CTNNA3: variants seen among roughly 807,000 people sequenced by gnomAD.
CTNNA3 encodes the protein catenin alpha 3.
CTNNA3 carries 76 observed loss-of-function variants against 95.7 expected under a neutral mutation model. The ratio of observed to expected loss-of-function variants is 0.79; its 90% CI spans 0.66 to 0.96. The LOEUF is 0.96. Among genes scored for constraint, CTNNA3 ranks in the 40% least tolerant of loss-of-function variants. The probability of loss-of-function intolerance (pLI) is 0.00; values close to 1 mark genes in which losing one functional copy is unlikely to be tolerated. For synonymous variants in CTNNA3, 431 were observed against 374.4 expected (o/e 1.15, Z -1.74); for missense variants, 1,191 against 1,089.8 (o/e 1.09, Z -1.31).
intron 11 of CTNNA3, among the ~76,000 whole-genome samples, chr10:66,425,654 G>A (rs2093233284): frequency 6.6e-6 from 1 of 151,390 alleles, no homozygotes; most frequent in Admixed American, 6.6e-5. Context: ...TAGTTTTAAT[G>A]TGCTACATTC....
chr10:66,419,246 GA>G (rs58227763), intron 11 of CTNNA3, among the ~76,000 whole-genome samples: 151,909 of 152,072 alleles, frequency 1, 75,873 homozygotes, highest in Middle Eastern at 1. Flanking sequence ...GCAAAAAAAA[GA>G]AAAAGCAAAA....
At chr10:66,191,549 T>C (rs2086665995) in intron 13 of CTNNA3, among the ~76,000 whole-genome samples, 1 of 151,934 alleles carries the variant, frequency 6.6e-6, no homozygotes, top group African/African-American at 2.4e-5. Context: ...TAGCAGCCTC[T>C]GCTGTGCAGT....
rs899335202 is a variant in CTNNA3, at chr10:67,539,550, G to T, written c.412C>A (p.Leu138Ile). 1 of 1,613,820 alleles carries T rather than the reference G, an allele frequency of 6.2e-7. No homozygotes were observed. The highest frequency in any genetic ancestry group is 8.5e-7 in the Non-Finnish European group (1 of 1,179,786). ...CACATGACATCAATCATGTCCGCAA[G>T]GATAAGGAGTCTCGTCACCGCAGCC... Reference protein sequence around the residue: ...LLAAVTRLLILADMIDVMCLL... With the variant: ...LLAAVTRLLIIADMIDVMCLL... Residue 138 changes from leucine (L) to isoleucine (I), a missense_variant, in exon 4 of 18, where the codon CTT becomes ATT. Leu to Ile is a conservative substitution (Grantham distance 5). Coordinates refer to ENST00000433211, the MANE Select transcript of CTNNA3 (RefSeq NM_013266.4).
intron 9 of CTNNA3, among the ~76,000 whole-genome samples, chr10:66,635,658 G>T (rs552402366): frequency 6.6e-6 from 1 of 152,228 alleles, no homozygotes; most frequent in East Asian, 1.9e-4. Flanking sequence ...TTGCAATTGT[G>T]TAAACTTCCT....
chr10:66,050,536 A>T (rs2079928210), intron 15 of CTNNA3, among the ~76,000 whole-genome samples: 1 of 151,942 alleles, frequency 6.6e-6, no homozygotes, highest in Non-Finnish European at 1.5e-5. Context: ...TGATCAAGTG[A>T]TCATCCTGCC....
At chr10:66,175,088 G>C (rs2085636810) in intron 13 of CTNNA3, among the ~76,000 whole-genome samples, 1 of 151,904 alleles carries the variant, frequency 6.6e-6, no homozygotes, top group African/African-American at 2.4e-5. Flanking sequence ...TCAATTCCTT[G>C]GGGTAGAAGC....
intron 9 of CTNNA3, among the ~76,000 whole-genome samples, chr10:66,655,991 A>G (rs1314865061): frequency 6.6e-6 from 1 of 152,084 alleles, no homozygotes. Context: ...GTAGTAGTAA[A>G]CGTTTATTGA....
intron 7 of CTNNA3, among the ~76,000 whole-genome samples, chr10:67,146,396 T>A (rs1217457597): frequency 6.6e-6 from 1 of 152,208 alleles, no homozygotes; most frequent in Non-Finnish European, 1.5e-5. Context: ...GCAAAGAGAT[T>A]CAAATATGAG....
chr10:66,462,557 C>G (rs1266939069), intron 11 of CTNNA3, among the ~76,000 whole-genome samples: 1 of 151,904 alleles, frequency 6.6e-6, no homozygotes, highest in East Asian at 1.9e-4. Context: ...CCTATTTTGT[C>G]ATAGGAATAT....
intron 1 of CTNNA3, among the ~76,000 whole-genome samples, chr10:67,756,463 AAAAT>A (rs763970255): frequency 9.8e-5 from 15 of 152,344 alleles, no homozygotes; most frequent in African/African-American, 2.9e-4. Flanking sequence ...TGCATCAATA[AAAAT>A]AAATAATTTT....
intron 12 of CTNNA3, among the ~76,000 whole-genome samples, chr10:66,351,438 T>C (rs747090167): frequency 6.6e-6 from 1 of 152,072 alleles, no homozygotes; most frequent in Non-Finnish European, 1.5e-5. Flanking sequence ...AGTACCATTG[T>C]TAAATAGCAG....
chr10:66,724,128 T>C (rs545998754), intron 9 of CTNNA3, among the ~76,000 whole-genome samples: 2 of 152,190 alleles, frequency 1.3e-5, no homozygotes, highest in East Asian at 1.9e-4. Flanking sequence ...GTCTGGATAA[T>C]GGTACCAAGC....
intron 7 of CTNNA3, among the ~76,000 whole-genome samples, chr10:67,127,474 T>C (rs887459983): frequency 6.6e-6 from 1 of 152,204 alleles, no homozygotes; most frequent in Non-Finnish European, 1.5e-5. Context: ...TCTTTCCTTC[T>C]CTAGCACTGA....
chr10:67,320,311 T>A (rs1432377115), intron 5 of CTNNA3, among the ~76,000 whole-genome samples: 1 of 152,086 alleles, frequency 6.6e-6, no homozygotes, highest in Non-Finnish European at 1.5e-5. Flanking sequence ...ACAGAGCCAA[T>A]CTTTGAGTAT....
intron 17 of CTNNA3, among the ~76,000 whole-genome samples, chr10:65,944,268 T>C (rs1056643138): frequency 1.3e-5 from 2 of 152,264 alleles, no homozygotes; most frequent in African/African-American, 2.4e-5. Context: ...TGGAGCTCGT[T>C]TGTCACTTTT....
intron 5 of CTNNA3, among the ~76,000 whole-genome samples, chr10:67,421,206 A>G (rs1845738643): frequency 6.6e-6 from 1 of 152,212 alleles, no homozygotes; most frequent in Non-Finnish European, 1.5e-5. Context: ...ACCAAAGTGA[A>G]AGAACTAAAG....
chr10:66,400,081 T>C (rs1465308241), intron 11 of CTNNA3, among the ~76,000 whole-genome samples: 1 of 152,020 alleles, frequency 6.6e-6, no homozygotes, highest in Non-Finnish European at 1.5e-5. Context: ...ATGCTTTTTA[T>C]AGCCTATTAA....
chr10:66,200,467 G>A (rs2087324616), intron 13 of CTNNA3, among the ~76,000 whole-genome samples: 1 of 152,158 alleles, frequency 6.6e-6, no homozygotes, highest in African/African-American at 2.4e-5. Context: ...AGATAGGACT[G>A]GAGCTACTAA....
intron 5 of CTNNA3, among the ~76,000 whole-genome samples, chr10:67,429,139 T>A (rs972759645): frequency 6.6e-6 from 1 of 152,010 alleles, no homozygotes; most frequent in Non-Finnish European, 1.5e-5. Context: ...AATTAGTTTT[T>A]GATTTGTGTT....
Sources: gnomAD v4.1 joint callset for allele counts (sites outside exome capture counted in the v4.1 genomes callset) on GRCh38, gnomAD v4.1.1 for gene constraint, MANE v1.5 for transcripts, NCBI Gene and HGNC (gene_info 2026-07-23, HGNC 2026-07-21) for gene names.